The following HIGD2A variants were observed in gnomAD, a reference collection of about 807,000 sequenced individuals.
HIGD2A encodes the protein HIG1 domain family member 2A, mitochondrial.
HIGD2A carries 4 observed loss-of-function variants against 6.3 expected under a neutral mutation model. The ratio of observed to expected loss-of-function variants is 0.64; its 90% CI spans 0.31 to 1.46. HIGD2A has a LOEUF of 1.46. Ranked by LOEUF, HIGD2A falls within the 40% of genes most tolerant of loss-of-function variation. HIGD2A has a pLI of 0.07. For synonymous variants in HIGD2A, 63 were observed against 59.3 expected (o/e 1.06, Z -0.29); for missense variants, 143 against 144.8 (o/e 0.99, Z 0.06).
rs767376978 is a variant in HIGD2A at position 176,389,023 on chromosome 5, G to A, written c.154+50G>A. ...ACAAGGAGAGGACAGTGATGTCGGAGGGAAGGAAGTAGAGAAGGACCAGAG... is the reference window on the plus strand; with the variant it reads ...ACAAGGAGAGGACAGTGATGTCGGAAGGAAGGAAGTAGAGAAGGACCAGAG... On this transcript the variant is annotated intron_variant, in intron 1 of 1. Coordinates refer to ENST00000274787, the MANE Select transcript of HIGD2A (RefSeq NM_138820.4). The A allele has an allele frequency of 2.5e-6, 4 of 1,603,604 alleles. No individual in the cohort carries two copies. In the South Asian group the frequency reaches 3.3e-5, roughly 13 times the overall value.
Position 176,388,949 on chromosome 5 carries a change from C to T in HIGD2A, c.130C>T (p.Arg44Cys). The T allele has an allele frequency of 1.9e-6, 3 of 1,614,154 alleles. No individual in the cohort carries two copies. Among genetic ancestry groups the T allele is most frequent in the Non-Finnish European group, 2.5e-6 (3 of 1,180,046 alleles). Residue 44 changes from arginine (R) to cysteine (C), a missense_variant, in exon 1 of 2, where the codon CGC (arginine) becomes TGC (cysteine). Arg to Cys is a radical substitution (Grantham distance 180). Coordinates refer to ENST00000274787, the MANE Select transcript of HIGD2A (RefSeq NM_138820.4). ...SFKEKFVRKT[R>C]ENPVVPIGCL... ...CAAGGAAAAGTTCGTTCGCAAGACC[C>T]GCGAGAACCCGGTGGTACCCATAGG... is the stretch of plus-strand genomic sequence containing the variant.
intron 1 of HIGD2A, 144 bp downstream of exon 1, chr5:176,389,117 CTGAT>C: frequency 1.7e-6 from 2 of 1,202,620 alleles, no homozygotes; most frequent in Non-Finnish European, 1.2e-6. Context: ...AGGGGCGAAA[CTGAT>C]TGGAGCGGGA....
In HIGD2A at chr5:176,389,360, T is replaced by C; in HGVS notation, c.184T>C (p.Tyr62His). 6.2e-7 allele frequency: 1 copy of C among 1,614,010 alleles called. No individual in the cohort carries two copies. The highest frequency in any genetic ancestry group is 1.1e-5 in the South Asian group (1 of 91,074). The stretch of plus-strand genomic sequence containing the variant: ...CCTGGCCACGGCGGCCGCCCTCACC[T>C]ACGGCCTCTACTCCTTCCACCGGGG... ...GCLATAAALTYGLYSFHRGNS... is the reference protein window; with the variant it reads ...GCLATAAALTHGLYSFHRGNS... Residue 62 changes from tyrosine to histidine, a missense_variant, in exon 2 of 2, where the codon TAC becomes CAC. Tyr to His is a moderately conservative substitution (Grantham distance 83). Transcript: ENST00000274787.
In HIGD2A at chr5:176,389,461, G is replaced by T. The variant is rs1329311865; in HGVS notation, c.285G>T (p.Leu95=). 1 of 1,613,982 alleles carries T rather than the reference G, an allele frequency of 6.2e-7. No homozygotes were observed. Among genetic ancestry groups the T allele is most frequent in the Admixed American group, 1.7e-5 (1 of 59,994 alleles). ...GTTTCACGGTCGCAGCCATCTTGCT[G>T]GGTCTGGCTGTCACTGCTATGAAGT... ...AQGFTVAAIL[L]GLAVTAMKSR... The change falls in exon 2 of 2, where the codon CTG becomes CTT. Residue 95 remains leucine (L), a synonymous_variant. Transcript: ENST00000274787.
rs3172921 is a variant in HIGD2A at position 176,388,781 on chromosome 5, G to A, written c.-39G>A. The A allele has an allele frequency of 1.2e-6, 2 of 1,601,980 alleles. No individual in the cohort carries two copies. Among genetic ancestry groups the A allele is most frequent in the South Asian group, 1.1e-5 (1 of 90,200 alleles). On this transcript the variant is annotated 5_prime_UTR_variant, in exon 1 of 2. Transcript: ENST00000274787. The stretch of plus-strand genomic sequence containing the variant: ...TCATGACCTTCACCGGGAGGCTGAG[G>A]TCGGAGTCCCGATTTTCTCCTGCTG...
chr5:176,389,479 T>C lies in HIGD2A; in HGVS notation c.303T>C (p.Ala101=), dbSNP rs1308021532. 1 of 1,613,764 alleles carries C rather than the reference T, an allele frequency of 6.2e-7. No homozygotes were observed. The highest frequency in any genetic ancestry group is 1.7e-5 in the Admixed American group (1 of 59,986). ...TCTTGCTGGGTCTGGCTGTCACTGCTATGAAGTCTCGACCCTAAGCCCAGG... is the reference window on the plus strand; with the variant it reads ...TCTTGCTGGGTCTGGCTGTCACTGCCATGAAGTCTCGACCCTAAGCCCAGG... ...AAILLGLAVT[A]MKSRP The change falls in exon 2 of 2, where the codon GCT becomes GCC. Residue 101 remains alanine, a synonymous_variant. Coordinates refer to ENST00000274787, the MANE Select transcript of HIGD2A (RefSeq NM_138820.4).
chr5:176,389,759 T>TAATTC, exon 2 of HIGD2A: 1 of 373,266 alleles, frequency 2.7e-6, no homozygotes, highest in Admixed American at 4.3e-5. Flanking sequence ...CACTTGTATT[T>TAATTC]AATTCAGTAT....
rs753521189 is a variant in HIGD2A, at chr5:176,389,377, C to T, written c.201C>T (p.Phe67=). ...AAALTYGLYS[F]HRGNSQRSQL... is the part of the protein sequence containing the mutation. ...CCCTCACCTACGGCCTCTACTCCTT[C>T]CACCGGGGCAACAGCCAGCGCTCTC... The change falls in exon 2 of 2, where the codon TTC becomes TTT. Residue 67 remains phenylalanine, a synonymous_variant. Transcript: ENST00000274787. 9.3e-6 allele frequency: 15 copies of T among 1,614,002 alleles called. No homozygotes were observed. In the South Asian group the frequency reaches 1.5e-4, roughly 17 times the overall value.
intron 1 of HIGD2A, among the ~76,000 whole-genome samples, 175 bp downstream of exon 1, chr5:176,389,148 G>A (rs766531322): frequency 6.6e-6 from 1 of 152,018 alleles, no homozygotes; most frequent in Admixed American, 6.6e-5. Flanking sequence ...GGTTTAGGGG[G>A]CGGGATTTGG....
chr5:176,389,110 G>A (rs1432493271), intron 1 of HIGD2A, 137 bp downstream of exon 1: 1 of 1,242,494 alleles, frequency 8.0e-7, no homozygotes, highest in Non-Finnish European at 1.1e-6. Context: ...GGCGGTGAGG[G>A]GCGAAACTGA....
intron 1 of HIGD2A, 48 bp from the exon 2 acceptor site, chr5:176,389,283 C>T: frequency 6.3e-7 from 1 of 1,577,688 alleles, no homozygotes; most frequent in South Asian, 1.2e-5. Context: ...GGGGAATGAC[C>T]TGCGGGGCCC....
rs779495455 is a variant in HIGD2A, at chr5:176,388,871, C to T, written c.52C>T (p.Pro18Ser). 5 of 1,614,088 alleles carry T rather than the reference C, an allele frequency of 3.1e-6. No homozygotes were observed. The highest frequency in any genetic ancestry group is 1.3e-5 in the African/African-American group (1 of 74,928). Residue 18 changes from proline (P) to serine (S), a missense_variant, in exon 1 of 2, where the codon CCT (proline) becomes TCT (serine). Pro to Ser is a moderately conservative substitution (Grantham distance 74). Transcript: ENST00000274787. ...GGAGGTCCCCTTTGAACCATCGAAGCCTCCAGTCATTGAGGGGCTGAGCCC... is the reference window on the plus strand; with the variant it reads ...GGAGGTCCCCTTTGAACCATCGAAGTCTCCAGTCATTGAGGGGCTGAGCCC... ...IPEVPFEPSK[P>S]PVIEGLSPTV...
Position 176,388,772 on chromosome 5 carries a change from G to A in HIGD2A, c.-48G>A, listed in dbSNP as rs774898452. ...CCGCCCCTTTCATGACCTTCACCGGGAGGCTGAGGTCGGAGTCCCGATTTT... is the reference window on the plus strand; with the variant it reads ...CCGCCCCTTTCATGACCTTCACCGGAAGGCTGAGGTCGGAGTCCCGATTTT... On this transcript the variant is annotated 5_prime_UTR_variant, in exon 1 of 2. Transcript: ENST00000274787. The A allele has an allele frequency of 1.3e-6, 2 of 1,596,006 alleles. No individual in the cohort carries two copies. Among genetic ancestry groups the A allele is most frequent in the Admixed American group, 3.5e-5 (2 of 56,434 alleles).
chr5:176,389,669 A>T lies in HIGD2A; in HGVS notation c.*172A>T, dbSNP rs1756180112. 1 of 607,626 alleles carries T rather than the reference A, an allele frequency of 1.6e-6. No homozygotes were observed. Among genetic ancestry groups the T allele is most frequent in the Non-Finnish European group, 2.8e-6 (1 of 361,316 alleles). The allele number at this position is 607,626 out of a possible 1,614,324, so 37.6% of individuals were successfully genotyped here. ...CCGAAAGTTTTTTCAAAAATCCTAG[A>T]TGCTGTTGTTTGAATGTTACATACT... On this transcript the variant is annotated 3_prime_UTR_variant, in exon 2 of 2. Transcript: ENST00000274787.
Position 176,388,769 on chromosome 5 carries a change from CG to C in HIGD2A, c.-48del, listed in dbSNP as rs754684969. ...TCCCCGCCCCTTTCATGACCTTCAC[CG>C]GGAGGCTGAGGTCGGAGTCCCGATT... is the stretch of plus-strand genomic sequence containing the variant. On this transcript the variant is annotated 5_prime_UTR_variant, in exon 1 of 2. An upstream open reading frame in the 5' UTR gains an earlier in-frame stop. Coordinates refer to ENST00000274787, the MANE Select transcript of HIGD2A (RefSeq NM_138820.4). 3 of 1,593,510 alleles carry C rather than the reference CG, an allele frequency of 1.9e-6. No individual in the cohort carries two copies. Among genetic ancestry groups the C allele is most frequent in the Non-Finnish European group, 2.6e-6 (3 of 1,171,022 alleles).
rs774117788 is a variant in HIGD2A, at chr5:176,389,320, C to A, written c.155-11C>A. The A allele has an allele frequency of 6.2e-7, 1 of 1,610,308 alleles. No individual in the cohort carries two copies. Among genetic ancestry groups the A allele is most frequent in the South Asian group, 1.1e-5 (1 of 90,762 alleles). On this transcript the variant is annotated splice_polypyrimidine_tract_variant and intron_variant, in intron 1 of 1. Coordinates refer to ENST00000274787, the MANE Select transcript of HIGD2A (RefSeq NM_138820.4). Reference sequence around the variant, plus strand: ...ACCTGCTGTTTCCCAGTTGCTTTGTCCCCTCCTCAGGTTGCCTGGCCACGG... The same window carrying A: ...ACCTGCTGTTTCCCAGTTGCTTTGTACCCTCCTCAGGTTGCCTGGCCACGG...
In HIGD2A at chr5:176,389,407, C is replaced by G. The variant is rs374213515; in HGVS notation, c.231C>G (p.Leu77=). Residue 77 remains leucine, a synonymous_variant, in exon 2 of 2, where the codon CTC becomes CTG. Transcript: ENST00000274787. ...GGGGCAACAGCCAGCGCTCTCAGCTCATGATGCGCACCCGGATCGCCGCCC... is the reference window on the plus strand; with the variant it reads ...GGGGCAACAGCCAGCGCTCTCAGCTGATGATGCGCACCCGGATCGCCGCCC... ...FHRGNSQRSQ[L]MMRTRIAAQG... is the part of the protein sequence containing the mutation. 6.2e-7 allele frequency: 1 copy of G among 1,614,102 alleles called. No individual in the cohort carries two copies. The highest frequency in any genetic ancestry group is 8.5e-7 in the Non-Finnish European group (1 of 1,180,038).
rs777762930 is a variant in HIGD2A at position 176,388,790 on chromosome 5, C to T, written c.-30C>T. ...TCACCGGGAGGCTGAGGTCGGAGTC[C>T]CGATTTTCTCCTGCTGCTGTGGCCC... On this transcript the variant is annotated 5_prime_UTR_variant, in exon 1 of 2. Transcript: ENST00000274787. 1.9e-6 allele frequency: 3 copies of T among 1,604,214 alleles called. No individual in the cohort carries two copies. The highest frequency in any genetic ancestry group is 1.7e-5 in the Admixed American group (1 of 57,906).
Position 176,389,379 on chromosome 5 carries a change from A to G in HIGD2A, c.203A>G (p.His68Arg). 1 of 1,613,844 alleles carries G rather than the reference A, an allele frequency of 6.2e-7. No homozygotes were observed. Among genetic ancestry groups the G allele is most frequent in the Non-Finnish European group, 8.5e-7 (1 of 1,179,942 alleles). The part of the protein sequence containing the change: ...AALTYGLYSF[H>R]RGNSQRSQLM... ...CTCACCTACGGCCTCTACTCCTTCC[A>G]CCGGGGCAACAGCCAGCGCTCTCAG... The change falls in exon 2 of 2, where the codon CAC becomes CGC. Residue 68 changes from histidine to arginine, a missense_variant. By Grantham distance (29) the His-to-Arg change is conservative. Transcript: ENST00000274787.
Sources: gnomAD v4.1 joint callset for allele counts (sites outside exome capture counted in the v4.1 genomes callset) on GRCh38, gnomAD v4.1.1 for gene constraint, MANE v1.5 for transcripts, NCBI Gene and HGNC (gene_info 2026-07-23, HGNC 2026-07-21) for gene names.